The following TAFA1 variants were observed in gnomAD, a reference collection of about 807,000 sequenced individuals.
The protein encoded by TAFA1 is chemokine-like protein TAFA-1.
A neutral mutation model predicts 18.5 loss-of-function variants in TAFA1; 4 were observed. That is an observed-to-expected ratio of 0.22 (90% CI 0.11 to 0.49). The LOEUF is 0.49. Among genes scored for constraint, TAFA1 ranks in the 20% least tolerant of loss-of-function variants. The pLI is 0.98. For missense variants in TAFA1, 147 were observed against 169.0 expected (o/e 0.87, Z 0.72); for synonymous variants, 56 against 55.2 (o/e 1.01, Z -0.06).
At chr3:68,120,286 G>A (rs2065383872) in intron 2 of TAFA1, among the ~76,000 whole-genome samples, 1 of 141,242 alleles carries the variant, frequency 7.1e-6, no homozygotes, top group Non-Finnish European at 1.5e-5. Flanking sequence ...GTCTCATTCT[G>A]TTGCCCAGGC....
chr3:68,201,294 C>G (rs969187815), intron 2 of TAFA1, among the ~76,000 whole-genome samples: 1 of 151,518 alleles, frequency 6.6e-6, no homozygotes, highest in Non-Finnish European at 1.5e-5. Context: ...TTCTATGACC[C>G]AGCATGTGGC....
intron 2 of TAFA1, among the ~76,000 whole-genome samples, chr3:68,122,054 T>A (rs943532741): frequency 6.6e-6 from 1 of 152,120 alleles, no homozygotes; most frequent in African/African-American, 2.4e-5. Context: ...TCTCATGAGG[T>A]GGGTACTCTT....
chr3:68,422,338 ATAGACAGGCAT>A (rs1225364055), intron 3 of TAFA1, among the ~76,000 whole-genome samples: 3 of 152,098 alleles, frequency 2.0e-5, no homozygotes, highest in African/African-American at 7.2e-5. Flanking sequence ...TTCCCTAGGA[ATAGACAGGCAT>A]CAACTTCTCT....
chr3:68,145,577 C>G, intron 2 of TAFA1: 3 of 1,488,900 alleles, frequency 2.0e-6, no homozygotes, highest in Non-Finnish European at 2.8e-6. Flanking sequence ...TCCCCCAATA[C>G]CCAATGAACA....
At chr3:68,445,180 C>A (rs774456782) in intron 3 of TAFA1, among the ~76,000 whole-genome samples, 7 of 152,222 alleles carry the variant, frequency 4.6e-5, no homozygotes, top group Non-Finnish European at 1.0e-4. Context: ...ATTTTCTTTG[C>A]TGCAGAATTA....
the TAFA1 span, among the ~76,000 whole-genome samples, chr3:67,991,807 G>A: frequency 6.6e-6 from 1 of 152,148 alleles, no homozygotes; most frequent in Non-Finnish European, 1.5e-5. Context: ...ATAATTATGT[G>A]AGCCAATTCC....
intron 2 of TAFA1, among the ~76,000 whole-genome samples, chr3:68,197,650 C>T (rs2066427495): frequency 6.6e-6 from 1 of 151,362 alleles, no homozygotes; most frequent in South Asian, 2.1e-4. Context: ...TTCTCTCCTA[C>T]AGAAATGTAC....
At chr3:68,244,274 A>C (rs921248525) in intron 2 of TAFA1, among the ~76,000 whole-genome samples, 5 of 152,150 alleles carry the variant, frequency 3.3e-5, no homozygotes, top group Admixed American at 2.0e-4. Flanking sequence ...GATGAGGTCC[A>C]ACTTATCAAT....
chr3:68,511,964 T>C (rs1232132519), intron 3 of TAFA1, among the ~76,000 whole-genome samples: 1 of 152,062 alleles, frequency 6.6e-6, no homozygotes, highest in Non-Finnish European at 1.5e-5. Context: ...TTCTAAGGTC[T>C]TTCTGTATTA....
chr3:68,284,925 C>T (rs1004545335), intron 2 of TAFA1, among the ~76,000 whole-genome samples: 1 of 151,914 alleles, frequency 6.6e-6, no homozygotes, highest in African/African-American at 2.4e-5. Context: ...TTTTAATTAG[C>T]CATGGACAAT....
intron 2 of TAFA1, among the ~76,000 whole-genome samples, chr3:68,065,605 A>G (rs2064664047): frequency 6.6e-6 from 1 of 152,094 alleles, no homozygotes; most frequent in South Asian, 2.1e-4. Flanking sequence ...GGAGCCAGTG[A>G]AAGTGCTGGA....
intron 3 of TAFA1, among the ~76,000 whole-genome samples, chr3:68,527,336 C>G (rs778549705): frequency 1.4e-4 from 22 of 152,050 alleles, no homozygotes; most frequent in Non-Finnish European, 2.5e-4. Flanking sequence ...TCCTTGTCAC[C>G]AGAGCATACA....
rs5849840 is a variant in TAFA1 at position 68,461,360 on chromosome 3, C to CATATATATATATATATATATATATAT, written c.259+43960_259+43961insATATATATATATATATATATATATAT. On this transcript the variant is annotated intron_variant, in intron 3 of 4. Coordinates refer to ENST00000478136, the MANE Select transcript of TAFA1 (RefSeq NM_213609.4). ...GAAGGAACCCAGGCCAATGAAAGTG[C>CATATATATATATATATATATATATAT]ATATATATATATATATATATGTATG... Among the ~76,000 whole-genome samples the CATATATATATATATATATATATATAT allele has an allele frequency of 3.7e-3, 392 of 106,320 alleles. 6 individuals are homozygous for CATATATATATATATATATATATATAT. Among genetic ancestry groups the CATATATATATATATATATATATATAT allele is most frequent in the African/African-American group, 0.011 (253 of 23,996 alleles). 69.8% of individuals were successfully genotyped at this position (106,320 alleles called of 152,430 possible).
At chr3:68,337,249 G>A (rs2068987354) in intron 2 of TAFA1, among the ~76,000 whole-genome samples, 1 of 152,126 alleles carries the variant, frequency 6.6e-6, no homozygotes, top group African/African-American at 2.4e-5. Flanking sequence ...AAGGCAGACG[G>A]GAAGCAGCAA....
chr3:68,197,187 A>G (rs915804456), intron 2 of TAFA1, among the ~76,000 whole-genome samples: 12 of 151,878 alleles, frequency 7.9e-5, no homozygotes, highest in Admixed American at 2.6e-4. Context: ...TATGTTAAGT[A>G]TTGCCAATAC....
At chr3:68,037,813 C>A (rs937383243) in intron 2 of TAFA1, among the ~76,000 whole-genome samples, 1 of 152,150 alleles carries the variant, frequency 6.6e-6, no homozygotes, top group South Asian at 2.1e-4. Flanking sequence ...TAAGCAAATC[C>A]TTTTAAAGCA....
At chr3:68,386,470 C>T (rs966544154) in intron 2 of TAFA1, among the ~76,000 whole-genome samples, 2 of 152,094 alleles carry the variant, frequency 1.3e-5, no homozygotes, top group Non-Finnish European at 2.9e-5. Context: ...GAAAAGTCCA[C>T]ATTTGGGTCA....
At chr3:68,326,973 G>A (rs544487069) in intron 2 of TAFA1, among the ~76,000 whole-genome samples, 21 of 152,276 alleles carry the variant, frequency 1.4e-4, no homozygotes, top group South Asian at 1.2e-3. Flanking sequence ...TGTAGCTCCC[G>A]TAATTCCAAG....
At chr3:68,181,125 A>T (rs2066192897) in intron 2 of TAFA1, among the ~76,000 whole-genome samples, 1 of 152,114 alleles carries the variant, frequency 6.6e-6, no homozygotes, top group Non-Finnish European at 1.5e-5. Context: ...CAAGCACATG[A>T]GTGAGTAGAT....
Sources: gnomAD v4.1 joint callset for allele counts (sites outside exome capture counted in the v4.1 genomes callset) on GRCh38, gnomAD v4.1.1 for gene constraint, MANE v1.5 for transcripts, NCBI Gene and HGNC (gene_info 2026-07-23, HGNC 2026-07-21) for gene names.